The following FSTL4 variants were observed in gnomAD, a reference collection of about 807,000 sequenced individuals.
FSTL4 encodes follistatin like 4.
FSTL4 carries 28 observed loss-of-function variants against 78.2 expected under a neutral mutation model. The observed-to-expected ratio is 0.36, with a 90% CI of 0.27 to 0.49. FSTL4 has a LOEUF of 0.49. Ranked by LOEUF, FSTL4 falls within the 20% of genes least tolerant of loss-of-function variation. FSTL4 has a pLI of 0.98. For missense variants in FSTL4, 922 were observed against 1,084.9 expected, an observed-to-expected ratio of 0.85 and a Z score of 2.11; for synonymous variants, 422 against 440.5, an observed-to-expected ratio of 0.96 and a Z score of 0.53.
intron 4 of FSTL4, among the ~76,000 whole-genome samples, chr5:133,319,514 C>A (rs868723413): frequency 6.6e-6 from 1 of 152,116 alleles, no homozygotes; most frequent in Non-Finnish European, 1.5e-5. Flanking sequence ...AGCAGGACTG[C>A]GCGTGCAGGA....
At chr5:133,763,209 G>T in the FSTL4 span, among the ~76,000 whole-genome samples, 2 of 152,308 alleles carry the variant, frequency 1.3e-5, no homozygotes, top group African/African-American at 4.8e-5. Context: ...GCCCTTGTAG[G>T]TGTGTCTAGA....
chr5:133,694,204 G>C, the FSTL4 span, among the ~76,000 whole-genome samples: 1 of 152,218 alleles, frequency 6.6e-6, no homozygotes, highest in Non-Finnish European at 1.5e-5. Context: ...CAGGATCTGG[G>C]AGAGGAGATC....
intron 2 of FSTL4, among the ~76,000 whole-genome samples, chr5:133,577,632 TGAA>T (rs1760312513): frequency 6.6e-5 from 10 of 152,040 alleles, no homozygotes; most frequent in Non-Finnish European, 1.2e-4. Context: ...AGACCAGATG[TGAA>T]GGGGAGAGGG....
chr5:133,441,320 C>T (rs969194143), intron 3 of FSTL4, among the ~76,000 whole-genome samples: 13 of 152,182 alleles, frequency 8.5e-5, no homozygotes, highest in African/African-American at 3.1e-4. Context: ...TCCCAGCACT[C>T]CTGGCTTGCC....
the FSTL4 span, among the ~76,000 whole-genome samples, chr5:133,789,725 A>C: frequency 2.6e-5 from 4 of 152,130 alleles, no homozygotes; most frequent in South Asian, 8.3e-4. Flanking sequence ...TGGCTGATTC[A>C]ATTTCTGTCA....
the FSTL4 span, among the ~76,000 whole-genome samples, chr5:133,632,737 G>A: frequency 6.6e-6 from 1 of 152,218 alleles, no homozygotes; most frequent in Admixed American, 6.5e-5. Flanking sequence ...CCAGCCTGGG[G>A]TGCAGTGGCA....
the FSTL4 span, among the ~76,000 whole-genome samples, chr5:133,665,009 T>A: frequency 6.6e-6 from 1 of 152,146 alleles, no homozygotes; most frequent in Non-Finnish European, 1.5e-5. Context: ...AGAAGTTGAC[T>A]CCAACACGCA....
the FSTL4 span, among the ~76,000 whole-genome samples, chr5:133,661,135 T>C: frequency 3.1e-4 from 47 of 152,156 alleles, no homozygotes; most frequent in Non-Finnish European, 6.8e-4. Flanking sequence ...GGATTACAGA[T>C]GCGCGCCATC....
chr5:133,540,751 A>C (rs76614108), intron 3 of FSTL4, among the ~76,000 whole-genome samples: 2 of 151,708 alleles, frequency 1.3e-5, no homozygotes, highest in Non-Finnish European at 2.9e-5. Context: ...AAAGAAAAAA[A>C]CAAACAAAAA....
intron 3 of FSTL4, among the ~76,000 whole-genome samples, chr5:133,491,252 C>A (rs1317810277): frequency 6.6e-6 from 1 of 152,090 alleles, no homozygotes; most frequent in Admixed American, 6.5e-5. Context: ...TGCATTATGT[C>A]TGTTTAGGAG....
At chr5:133,390,412 A>G (rs1211391827) in intron 4 of FSTL4, among the ~76,000 whole-genome samples, 3 of 152,268 alleles carry the variant, frequency 2.0e-5, no homozygotes, top group Non-Finnish European at 4.4e-5. Context: ...CTCAGTAGTC[A>G]CTGTTAAGCT....
chr5:133,690,037 G>A, the FSTL4 span, among the ~76,000 whole-genome samples: 1 of 151,740 alleles, frequency 6.6e-6, no homozygotes, highest in Non-Finnish European at 1.5e-5. Context: ...CTCCAGCCTG[G>A]GCAACAAGAG....
chr5:133,766,208 G>A, the FSTL4 span, among the ~76,000 whole-genome samples: 8,516 of 152,046 alleles, frequency 0.056, 296 homozygotes, highest in East Asian at 0.12. Context: ...GCCTAAGAAT[G>A]GTTTTTCCCT....
intron 2 of FSTL4, among the ~76,000 whole-genome samples, chr5:133,600,358 A>T (rs1409713755): frequency 1.3e-5 from 2 of 151,606 alleles, no homozygotes; most frequent in Non-Finnish European, 2.9e-5. Context: ...GATATTTTCA[A>T]CTTACAGTGG....
chr5:133,273,509 G>A (rs1752812998), intron 6 of FSTL4, among the ~76,000 whole-genome samples: 1 of 152,178 alleles, frequency 6.6e-6, no homozygotes, highest in Non-Finnish European at 1.5e-5. Flanking sequence ...AATGGAGGAG[G>A]GAGCTACTTG....
At chr5:133,222,542 A>G (rs1751173958) in intron 11 of FSTL4, among the ~76,000 whole-genome samples, 1 of 152,240 alleles carries the variant, frequency 6.6e-6, no homozygotes, top group Non-Finnish European at 1.5e-5. Flanking sequence ...GTCTGCTTAG[A>G]AAATCGGTAG....
chr5:133,682,781 A>AG, the FSTL4 span, among the ~76,000 whole-genome samples: 1 of 152,196 alleles, frequency 6.6e-6, no homozygotes, highest in East Asian at 1.9e-4. Flanking sequence ...CTCCTACGGC[A>AG]GTCTTGATGT....
At chr5:133,753,794 C>T in the FSTL4 span, among the ~76,000 whole-genome samples, 4 of 151,046 alleles carry the variant, frequency 2.6e-5, no homozygotes, top group African/African-American at 9.7e-5. Flanking sequence ...TCCTGCATAG[C>T]ATCAGGTAGT....
chr5:133,345,643 A>G (rs1469504657), intron 4 of FSTL4, among the ~76,000 whole-genome samples: 2 of 152,200 alleles, frequency 1.3e-5, no homozygotes, highest in African/African-American at 4.8e-5. Context: ...TATGAAAAAA[A>G]GCTCATCATC....
Sources: gnomAD v4.1 joint callset for allele counts (sites outside exome capture counted in the v4.1 genomes callset) on GRCh38, gnomAD v4.1.1 for gene constraint, MANE v1.5 for transcripts, NCBI Gene and HGNC (gene_info 2026-07-23, HGNC 2026-07-21) for gene names.